Variants in RNF14 observed in about 807,000 individuals in gnomAD.
RNF14 encodes E3 ubiquitin-protein ligase RNF14.
Under a neutral mutation model 52.6 loss-of-function variants are expected in RNF14, and 26 were observed. The observed-to-expected ratio is 0.49, with a 90% CI of 0.36 to 0.69. RNF14 has a LOEUF of 0.69. RNF14 is among the 30% of genes least tolerant of loss of function. RNF14 has a pLI of 0.00. For synonymous variants in RNF14, 194 were observed against 202.0 expected, an observed-to-expected ratio of 0.96 and a Z score of 0.34; for missense variants, 404 against 560.4, an observed-to-expected ratio of 0.72 and a Z score of 2.82.
At chr5:141,984,507 A>G (rs1266962293) in intron 7 of RNF14, among the ~76,000 whole-genome samples, 1 of 152,240 alleles carries the variant, frequency 6.6e-6, no homozygotes, top group Non-Finnish European at 1.5e-5. Context: ...ACATCCAAAC[A>G]TTTTAATATT....
At chr5:141,977,201 C>T (rs1238372197) in intron 4 of RNF14, among the ~76,000 whole-genome samples, 1 of 152,230 alleles carries the variant, frequency 6.6e-6, no homozygotes, top group African/African-American at 2.4e-5. Flanking sequence ...TAGTATTTAT[C>T]ACATTTTACA....
chr5:141,986,078 T>C (rs534829160), intron 8 of RNF14, among the ~76,000 whole-genome samples: 1 of 152,356 alleles, frequency 6.6e-6, no homozygotes, highest in African/African-American at 2.4e-5. Context: ...AGGTCCATGA[T>C]GTCCCTCATT....
At chr5:141,955,794 C>T (rs768569959), upstream of RNF14, 2 of 1,613,888 alleles carry the variant, frequency 1.2e-6, no homozygotes, top group African/African-American at 1.3e-5. The surrounding 1 kb of genome is among the most constrained non-coding windows in gnomAD (Gnocchi z 5.5). Flanking sequence ...GGGCTCGGGT[C>T]TGTAAGGGGG....
upstream of RNF14, chr5:141,956,030 G>A: frequency 6.2e-7 from 1 of 1,614,176 alleles, no homozygotes; most frequent in Non-Finnish European, 8.5e-7. Flanking sequence ...TGAGTGGCCA[G>A]TGGAGGTGTG....
upstream of RNF14, chr5:141,956,049 C>T (rs769053658): frequency 1.9e-5 from 30 of 1,613,956 alleles, no homozygotes; most frequent in East Asian, 1.3e-4. Flanking sequence ...TGTCAGTGCC[C>T]GCTGGGCCCA....
At chr5:141,957,534 A>G, upstream of RNF14, 1 of 1,614,208 alleles carries the variant, frequency 6.2e-7, no homozygotes. The surrounding 1 kb of genome is among the most constrained non-coding windows in gnomAD (Gnocchi z 4.3). Flanking sequence ...CATCAAAGGA[A>G]ACCAGGCAGG....
At chr5:141,969,904 TTTTAA>T (rs1222114788) in intron 1 of RNF14, among the ~76,000 whole-genome samples, 2 of 152,136 alleles carry the variant, frequency 1.3e-5, no homozygotes, top group Non-Finnish European at 2.9e-5. Flanking sequence ...TTTGCAAATG[TTTTAA>T]CAGGAAGAAA....
upstream of RNF14, chr5:141,955,658 T>C (rs751948276): frequency 1.9e-6 from 3 of 1,614,058 alleles, no homozygotes; most frequent in East Asian, 6.7e-5. This position sits in a 1 kb window ranked among gnomAD's most constrained non-coding sequence, Gnocchi z 5.5. Flanking sequence ...AAAGCCAGGA[T>C]CAACCCGAAG....
At chr5:141,956,241 T>A (rs746519584), upstream of RNF14, 24 of 1,614,088 alleles carry the variant, frequency 1.5e-5, no homozygotes, top group Non-Finnish European at 1.9e-5. Flanking sequence ...CGCTGTCCTC[T>A]GCGATCACCT....
chr5:141,968,753 C>G (rs557455481), upstream of RNF14: 2 of 152,246 alleles, frequency 1.3e-5, no homozygotes, highest in Admixed American at 6.5e-5. Context: ...CCAGAAAGAC[C>G]GGCAGCATTT....
chr5:141,966,512 T>C (rs927771692), upstream of RNF14, among the ~76,000 whole-genome samples: 4 of 152,118 alleles, frequency 2.6e-5, no homozygotes, highest in Non-Finnish European at 5.9e-5. Flanking sequence ...GGCATTTAAA[T>C]GAGAGAATGT....
In RNF14 at chr5:141,984,945, C is replaced by T. The variant is rs746252167; in HGVS notation, c.1367+12C>T. ...CCATGTTTTAACCGGTATGTATACA[C>T]AGAATTCCTCAGGCTCACCAGCAAT... is the stretch of plus-strand genomic sequence containing the variant. On this transcript the variant is annotated intron_variant, in intron 8 of 8. Coordinates refer to ENST00000394520, the MANE Select transcript of RNF14 (RefSeq NM_004290.5). The T allele has an allele frequency of 2.7e-5, 44 of 1,607,574 alleles. No individual in the cohort carries two copies. The highest frequency in any genetic ancestry group is 1.7e-4 in the Admixed American group (10 of 59,792).
chr5:141,954,968 G>C, upstream of RNF14: 1 of 1,606,928 alleles, frequency 6.2e-7, no homozygotes, highest in Non-Finnish European at 8.5e-7. Flanking sequence ...CATGCCCCAG[G>C]TACCTGAACA....
chr5:141,957,042 G>A (rs1420307335), upstream of RNF14: 8 of 1,614,208 alleles, frequency 5.0e-6, no homozygotes, highest in East Asian at 1.8e-4. The surrounding 1 kb of genome is among the most constrained non-coding windows in gnomAD (Gnocchi z 4.3). Flanking sequence ...CTTGGTCAGG[G>A]TCTGTGGCGG....
intron 8 of RNF14, among the ~76,000 whole-genome samples, chr5:141,987,300 A>G (rs1755324775): frequency 6.6e-6 from 1 of 152,126 alleles, no homozygotes; most frequent in African/African-American, 2.4e-5. Context: ...TGTGGGGCTT[A>G]GGGTATCATT....
intron 4 of RNF14, 31 bp from the exon 5 acceptor site, chr5:141,978,272 C>T (rs1754437178): frequency 1.3e-6 from 2 of 1,527,778 alleles, no homozygotes; most frequent in Non-Finnish European, 1.8e-6. Context: ...TCTTTCCAAA[C>T]TCACCAACAT....
chr5:141,977,704 T>C (rs1754390331), intron 4 of RNF14, among the ~76,000 whole-genome samples: 1 of 152,242 alleles, frequency 6.6e-6, no homozygotes. Flanking sequence ...GGATCTGATA[T>C]AAGCCCAGAT....
the RNF14 span, among the ~76,000 whole-genome samples, chr5:141,949,750 T>C: frequency 1.3e-5 from 2 of 152,100 alleles, no homozygotes; most frequent in Non-Finnish European, 2.9e-5. Flanking sequence ...CTCCTCTTAC[T>C]CTGTTTCCTC....
rs1755446946 is a variant in RNF14 at position 141,988,902 on chromosome 5, T to C, written c.*1112T>C. 6.6e-6 allele frequency: 1 copy of C among 152,380 alleles called. No homozygotes were observed. Among genetic ancestry groups the C allele is most frequent in the Non-Finnish European group, 1.5e-5 (1 of 68,040 alleles). 9.4% of individuals were successfully genotyped at this position (152,380 alleles called of 1,614,324 possible). A position where few individuals can be genotyped will look rare whatever the true frequency, so the allele number is the denominator to read the frequency against. On this transcript the variant is annotated 3_prime_UTR_variant, in exon 9 of 9. Transcript: ENST00000394520. ...TGGGTGATAATTTTGAATTGATACC[T>C]GTTCCTTTTTCTGGGTTTTGTTGGC...
Sources: gnomAD v4.1 joint callset for allele counts (sites outside exome capture counted in the v4.1 genomes callset) on GRCh38, gnomAD v4.1.1 for gene constraint, Gnocchi (gnomAD v3.1) non-coding constraint, MANE v1.5 for transcripts, NCBI Gene and HGNC (gene_info 2026-07-23, HGNC 2026-07-21) for gene names.